The following ATP8A2 variants were observed in gnomAD, a reference collection of about 807,000 sequenced individuals.
ATP8A2 encodes the protein phospholipid-transporting ATPase IB.
Under a neutral mutation model 165.6 loss-of-function variants are expected in ATP8A2, and 100 were observed. That is an observed-to-expected ratio of 0.60 (90% CI 0.51 to 0.71). The LOEUF is 0.71. Ranked by LOEUF, ATP8A2 falls within the 30% of genes least tolerant of loss-of-function variation. The probability of loss-of-function intolerance (pLI) is 0.00; values close to 1 mark genes in which losing one functional copy is unlikely to be tolerated. For synonymous variants in ATP8A2, 543 were observed against 548.8 expected (o/e 0.99, Z 0.15); for missense variants, 1,227 against 1,479.5 (o/e 0.83, Z 2.80).
intron 34 of ATP8A2, among the ~76,000 whole-genome samples, chr13:25,964,154 AGCCAGAAAGGCCCCT>A (rs1955723985): frequency 6.6e-6 from 1 of 152,236 alleles, no homozygotes; most frequent in African/African-American, 2.4e-5. Context: ...CTCTGGGCTG[AGCCAGAAAGGCCCCT>A]GCTGAATTCC....
At chr13:25,489,998 T>A (rs923842790) in intron 2 of ATP8A2, among the ~76,000 whole-genome samples, 2 of 152,210 alleles carry the variant, frequency 1.3e-5, no homozygotes, top group African/African-American at 4.8e-5. Flanking sequence ...TCAACAAATT[T>A]TTTTATGGTA....
chr13:25,618,088 T>C (rs2040872508), intron 24 of ATP8A2, among the ~76,000 whole-genome samples: 1 of 152,200 alleles, frequency 6.6e-6, no homozygotes, highest in Non-Finnish European at 1.5e-5. Flanking sequence ...CATAAGCTAT[T>C]TGACCTATTT....
intron 27 of ATP8A2, among the ~76,000 whole-genome samples, chr13:25,783,121 T>C (rs1477495322): frequency 2.0e-5 from 3 of 152,194 alleles, no homozygotes; most frequent in African/African-American, 7.2e-5. Context: ...TTTCCTGTGG[T>C]TGTTTGAATC....
At chr13:25,910,430 T>G (rs1265695822) in intron 33 of ATP8A2, among the ~76,000 whole-genome samples, 1 of 152,160 alleles carries the variant, frequency 6.6e-6, no homozygotes, top group African/African-American at 2.4e-5. Context: ...CCTCTTTAGA[T>G]AAGGCCAGGA....
At chr13:25,611,148 T>C (rs1269810677) in intron 24 of ATP8A2, among the ~76,000 whole-genome samples, 1 of 151,966 alleles carries the variant, frequency 6.6e-6, no homozygotes, top group African/African-American at 2.4e-5. Context: ...TCTTTCTCTT[T>C]TCTGATTGCT....
intron 24 of ATP8A2, among the ~76,000 whole-genome samples, chr13:25,594,044 T>C (rs1306838270): frequency 1.3e-5 from 2 of 152,230 alleles, no homozygotes; most frequent in Non-Finnish European, 2.9e-5. Flanking sequence ...TAATTAACCA[T>C]AAACTTTGTC....
intron 25 of ATP8A2, among the ~76,000 whole-genome samples, chr13:25,709,465 G>T (rs887541017): frequency 1.3e-5 from 2 of 152,158 alleles, no homozygotes; most frequent in Non-Finnish European, 2.9e-5. Context: ...CTTTACAGAT[G>T]ATTGAACCTT....
At chr13:25,559,638 C>A in intron 14 of ATP8A2, 83 bp from the exon 15 acceptor site, 1 of 1,038,222 alleles carries the variant, frequency 9.6e-7, no homozygotes, top group South Asian at 1.3e-5. Context: ...TATATCTAAT[C>A]TAAGAATTAG....
intron 24 of ATP8A2, among the ~76,000 whole-genome samples, chr13:25,624,066 A>T (rs1433287334): frequency 1.3e-5 from 2 of 152,128 alleles, no homozygotes; most frequent in African/African-American, 4.8e-5. Flanking sequence ...ATTCATCTTT[A>T]AAATATTTTG....
chr13:25,498,745 C>G lies in ATP8A2; in HGVS notation c.221+29624C>G, dbSNP rs529511081. Among the ~76,000 whole-genome samples, 48 of 152,272 alleles carry G rather than the reference C, an allele frequency of 3.2e-4. No individual in the cohort carries two copies. In the South Asian group the frequency reaches 9.7e-3, roughly 31 times the overall value. ...ATTTGTTGAGAACATACTATGTCCCCGATGCCGTTATAAACATTTTATTTC... is the reference window on the plus strand; with the variant it reads ...ATTTGTTGAGAACATACTATGTCCCGGATGCCGTTATAAACATTTTATTTC... On this transcript the variant is annotated intron_variant, in intron 2 of 36. Coordinates refer to ENST00000381655, the MANE Select transcript of ATP8A2 (RefSeq NM_016529.6).
chr13:25,914,908 C>G (rs1954223687), intron 33 of ATP8A2, among the ~76,000 whole-genome samples: 1 of 152,220 alleles, frequency 6.6e-6, no homozygotes, highest in Non-Finnish European at 1.5e-5. Flanking sequence ...CCCTTCTTCC[C>G]CCTTCCCGAT....
intron 24 of ATP8A2, among the ~76,000 whole-genome samples, chr13:25,634,503 T>G (rs529387194): frequency 6.6e-6 from 1 of 152,134 alleles, no homozygotes; most frequent in Non-Finnish European, 1.5e-5. Flanking sequence ...CTATAAAAAA[T>G]TTTTAAGTTT....
At chr13:26,001,435 CT>C (rs764219336) in intron 35 of ATP8A2, among the ~76,000 whole-genome samples, 5 of 152,158 alleles carry the variant, frequency 3.3e-5, no homozygotes, top group Non-Finnish European at 7.4e-5. Context: ...CTGTGTCTAA[CT>C]TACCAAGGAA....
At chr13:25,874,860 A>T (rs1168437965) in intron 33 of ATP8A2, among the ~76,000 whole-genome samples, 1 of 151,720 alleles carries the variant, frequency 6.6e-6, no homozygotes. Flanking sequence ...CAATATATAC[A>T]CACAATGGGA....
chr13:25,475,321 TCATTCCACATTC>T (rs1291456005), intron 2 of ATP8A2, among the ~76,000 whole-genome samples: 3 of 152,194 alleles, frequency 2.0e-5, no homozygotes, highest in Admixed American at 2.0e-4. Flanking sequence ...GGTCTCCCCC[TCATTCCACATTC>T]CCGCAAAAGA....
chr13:25,487,571 T>C (rs2036391073), intron 2 of ATP8A2, among the ~76,000 whole-genome samples: 2 of 152,218 alleles, frequency 1.3e-5, no homozygotes, highest in African/African-American at 4.8e-5. Context: ...GCATTTTAGA[T>C]AGTGTGTTTG....
intron 24 of ATP8A2, among the ~76,000 whole-genome samples, chr13:25,639,138 C>A (rs2041448456): frequency 6.6e-6 from 1 of 151,928 alleles, no homozygotes; most frequent in South Asian, 2.1e-4. Context: ...GTACCAGCCA[C>A]TGCAAAAACA....
At chr13:25,419,133 A>C (rs910334001) in intron 1 of ATP8A2, among the ~76,000 whole-genome samples, 12 of 152,334 alleles carry the variant, frequency 7.9e-5, no homozygotes, top group Middle Eastern at 3.4e-3. Context: ...TTGCTGAGAT[A>C]TGTGACTGCT....
intron 33 of ATP8A2, among the ~76,000 whole-genome samples, chr13:25,921,699 C>A (rs1396403804): frequency 1.3e-5 from 2 of 151,560 alleles, no homozygotes; most frequent in East Asian, 3.9e-4. Flanking sequence ...CTTGTGAAAT[C>A]TTGTACTGTC....
Sources: gnomAD v4.1 joint callset for allele counts (sites outside exome capture counted in the v4.1 genomes callset) on GRCh38, gnomAD v4.1.1 for gene constraint, MANE v1.5 for transcripts, NCBI Gene and HGNC (gene_info 2026-07-23, HGNC 2026-07-21) for gene names.